The following MSGN1 variants were observed in gnomAD, a reference collection of about 807,000 sequenced individuals.
MSGN1 encodes mesogenin 1, also known as mesogenin-1.
MSGN1 carries 3 observed loss-of-function variants against 10.1 expected under a neutral mutation model. That is an observed-to-expected ratio of 0.30 (90% confidence interval 0.13 to 0.76). The LOEUF (loss-of-function observed/expected upper bound fraction) is 0.76, where lower values mean the gene tolerates loss of function less well. Ranked by LOEUF, MSGN1 falls within the 30% of genes least tolerant of loss-of-function variation. MSGN1 has a pLI of 0.67. For synonymous variants in MSGN1, 110 were observed against 103.8 expected (o/e 1.06, Z -0.37); for missense variants, 244 against 244.5 (o/e 1.00, Z 0.01).
At position 17,817,098 on chromosome 2, in the gene MSGN1, TG is replaced by T. The variant is rs1558428054; in HGVS notation, c.581del (p.Ter194=). 3.1e-6 allele frequency: 5 copies of T among 1,611,222 alleles called. No homozygotes were observed. In the Admixed American group the frequency reaches 8.3e-5, roughly 27 times the overall value. ...RGREPRAQSA[*>X] ...CAGAGAGCCCAGAGCCCAGAGCGCG[TG>T]AGCTCCATCCGGGGAAACTGACCGG... On this transcript the variant is annotated frameshift_variant and stop_lost, in exon 1 of 1. Coordinates refer to ENST00000281047, the MANE Select transcript of MSGN1 (RefSeq NM_001105569.3). LOFTEE classifies it high-confidence loss of function.
Position 17,816,584 on chromosome 2 carries a change from C to A in MSGN1, c.66C>A (p.Gly22=), listed in dbSNP as rs971053672. The part of the protein sequence containing the change: ...EDGLGSSDSP[G]LLSSWDWKDR... ...GCTTGGGCTCCTCTGACAGCCCTGG[C>A]CTGCTGTCTTCCTGGGACTGGAAGG... The change falls in exon 1 of 1, where the codon GGC becomes GGA. Residue 22 remains glycine (G), a synonymous_variant. Transcript: ENST00000281047. The A allele has an allele frequency of 2.5e-6, 4 of 1,613,824 alleles. No individual in the cohort carries two copies. The highest frequency in any genetic ancestry group is 2.7e-5 in the African/African-American group (2 of 74,928).
rs555662753 is a variant in MSGN1, at chr2:17,817,572, T to C, written c.*472T>C. Among the ~76,000 whole-genome samples the C allele has an allele frequency of 1.3e-5, 2 of 152,374 alleles. No individual in the cohort carries two copies. Among genetic ancestry groups the C allele is most frequent in the South Asian group, 4.1e-4 (2 of 4,830 alleles). ...AAGATTTGTGCCAAGTAAAGGGCTT[T>C]AGTGCTCCTGTTTTCATTTCGTGTG... On this transcript the variant is annotated 3_prime_UTR_variant, in exon 1 of 1. Transcript: ENST00000281047.
At position 17,817,226 on chromosome 2, in the gene MSGN1, T is replaced by C. The variant is rs549615791; in HGVS notation, c.*126T>C. Reference sequence around the variant, plus strand: ...TTTTTATGTAGTAAGCCTGATAATCTTGTGATCTGAAAAACCCTAAGGGAA... The same window carrying C: ...TTTTTATGTAGTAAGCCTGATAATCCTGTGATCTGAAAAACCCTAAGGGAA... On this transcript the variant is annotated 3_prime_UTR_variant, in exon 1 of 1. Transcript: ENST00000281047. The C allele has an allele frequency of 5.6e-4, 464 of 831,260 alleles. 7 individuals carry two copies. Among genetic ancestry groups the C allele is most frequent in the South Asian group, 4.0e-3 (217 of 54,716 alleles). 51.5% of individuals were successfully genotyped at this position (831,260 alleles called of 1,614,324 possible). A position where few individuals can be genotyped will look rare whatever the true frequency, so the allele number is the denominator to read the frequency against.
In MSGN1 at chr2:17,816,542, C is replaced by T. The variant is rs756656284; in HGVS notation, c.24C>T (p.Phe8=). Residue 8 remains phenylalanine, a synonymous_variant, in exon 1 of 1, where the codon TTC becomes TTT. Coordinates refer to ENST00000281047, the MANE Select transcript of MSGN1 (RefSeq NM_001105569.3). ...GCATGGACAACCTGCGCGAGACTTTCCTCAGCCTCGAGGATGGCTTGGGCT... is the reference window on the plus strand; with the variant it reads ...GCATGGACAACCTGCGCGAGACTTTTCTCAGCCTCGAGGATGGCTTGGGCT... MDNLRET[F]LSLEDGLGSS... 5.6e-6 allele frequency: 9 copies of T among 1,596,060 alleles called. No individual in the cohort carries two copies. In the East Asian group the frequency reaches 1.6e-4, roughly 28 times the overall value.
rs372671213 is a variant in MSGN1, at chr2:17,816,799, A to C, written c.281A>C (p.Asp94Ala). The C allele has an allele frequency of 3.1e-6, 5 of 1,614,092 alleles. No homozygotes were observed. In the African/African-American group the frequency reaches 6.7e-5, roughly 22 times the overall value. The change falls in exon 1 of 1, where the codon GAC (aspartate) becomes GCC (alanine). Residue 94 changes from aspartate to alanine, a missense_variant. Coordinates refer to ENST00000281047, the MANE Select transcript of MSGN1 (RefSeq NM_001105569.3). ...VGGASGLVEV[D>A]YNMLAFQPTH... ...GGGGCCAGTGGCCTGGTAGAGGTGG[A>C]CTACAATATGTTAGCTTTCCAGCCC...
rs749726556 is a variant in MSGN1 at position 17,816,973 on chromosome 2, C to T, written c.455C>T (p.Pro152Leu). The T allele has an allele frequency of 3.1e-6, 5 of 1,614,084 alleles. No homozygotes were observed. The highest frequency in any genetic ancestry group is 3.4e-6 in the Non-Finnish European group (4 of 1,180,042). ...CTGCACACCCTCCGGAATTACCTGC[C>T]ACCTGTCTACAGCCAGAGAGGCCAG... is the stretch of plus-strand genomic sequence containing the variant. Reference protein sequence around the residue: ...DALHTLRNYLPPVYSQRGQPL... With the variant: ...DALHTLRNYLLPVYSQRGQPL... Residue 152 changes from proline to leucine, a missense_variant, in exon 1 of 1, where the codon CCA (proline) becomes CTA (leucine). Coordinates refer to ENST00000281047, the MANE Select transcript of MSGN1 (RefSeq NM_001105569.3).
rs1673595787 is a variant in MSGN1, at chr2:17,817,602, T to C, written c.*502T>C. ...CTCCTGTTTTCATTTCGTGTGTATA[T>C]GTGTGTGTGTTTGTGTTTGACTGAA... On this transcript the variant is annotated 3_prime_UTR_variant, in exon 1 of 1. Coordinates refer to ENST00000281047, the MANE Select transcript of MSGN1 (RefSeq NM_001105569.3). Among the ~76,000 whole-genome samples the C allele has an allele frequency of 6.6e-6, 1 of 152,166 alleles. No homozygotes were observed. Among genetic ancestry groups the C allele is most frequent in the Non-Finnish European group, 1.5e-5 (1 of 68,030 alleles).
In MSGN1 at chr2:17,817,715, TTA is replaced by T. The variant is rs1339471266; in HGVS notation, c.*616_*617del. 1.3e-5 allele frequency among the ~76,000 whole-genome samples: 2 copies of T among 152,090 alleles called. No homozygotes were observed. Among genetic ancestry groups the T allele is most frequent in the African/African-American group, 2.4e-5 (1 of 41,418 alleles). The stretch of plus-strand genomic sequence containing the variant: ...GAAAGTCACAGGCAGACAGGCTAAG[TTA>T]AGACAGTGAAGATTCCAAAAGCCAG... On this transcript the variant is annotated 3_prime_UTR_variant, in exon 1 of 1. Coordinates refer to ENST00000281047, the MANE Select transcript of MSGN1 (RefSeq NM_001105569.3).
Position 17,816,889 on chromosome 2 carries a change from AGCGGAG to A in MSGN1, c.377_382del (p.Arg126_Arg127del). 1 of 1,614,254 alleles carries A rather than the reference AGCGGAG, an allele frequency of 6.2e-7. No individual in the cohort carries two copies. The highest frequency in any genetic ancestry group is 8.5e-7 in the Non-Finnish European group (1 of 1,180,036). On this transcript the variant is annotated inframe_deletion, in exon 1 of 1. Transcript: ENST00000281047. ...GGCACCAAAGTCAGGATGTCTGTCC[AGCGGAG>A]GCGGAAAGCCAGCGAGAGGGAGAAG...
chr2:17,817,440 A>G lies in MSGN1; in HGVS notation c.*340A>G, dbSNP rs981513248. 5.3e-5 allele frequency among the ~76,000 whole-genome samples: 8 copies of G among 152,248 alleles called. No homozygotes were observed. Among genetic ancestry groups the G allele is most frequent in the Admixed American group, 1.3e-4 (2 of 15,284 alleles). On this transcript the variant is annotated 3_prime_UTR_variant, in exon 1 of 1. Coordinates refer to ENST00000281047, the MANE Select transcript of MSGN1 (RefSeq NM_001105569.3). The stretch of plus-strand genomic sequence containing the variant: ...TTAAATGCATTTTTTTCAATAATGT[A>G]AAAGTGTTAATCTCTTGCCATTTTG...
chr2:17,816,787 T>C lies in MSGN1; in HGVS notation c.269T>C (p.Leu90Pro). Residue 90 changes from leucine (L) to proline (P), a missense_variant, in exon 1 of 1, where the codon CTG becomes CCG. Physicochemically the swap from Leu to Pro is moderately conservative, Grantham distance 98. Transcript: ENST00000281047. ...EGCSVGGASG[L>P]VEVDYNMLAF... Reference sequence around the variant, plus strand: ...TGCAGTGTCGGTGGGGCCAGTGGCCTGGTAGAGGTGGACTACAATATGTTA... The same window carrying C: ...TGCAGTGTCGGTGGGGCCAGTGGCCCGGTAGAGGTGGACTACAATATGTTA... 6.2e-7 allele frequency: 1 copy of C among 1,614,190 alleles called. No homozygotes were observed. The highest frequency in any genetic ancestry group is 8.5e-7 in the Non-Finnish European group (1 of 1,179,996).
chr2:17,816,518 C>T lies in MSGN1; in HGVS notation c.-1C>T. 6.4e-7 allele frequency: 1 copy of T among 1,572,856 alleles called. No homozygotes were observed. Among genetic ancestry groups the T allele is most frequent in the Admixed American group, 1.9e-5 (1 of 53,832 alleles). On this transcript the variant is annotated 5_prime_UTR_variant, in exon 1 of 1. Coordinates refer to ENST00000281047, the MANE Select transcript of MSGN1 (RefSeq NM_001105569.3). The stretch of plus-strand genomic sequence containing the variant: ...ATTCCTTCTGCAGCTGTCTCGCAGG[C>T]ATGGACAACCTGCGCGAGACTTTCC...
In MSGN1 at chr2:17,816,958, T is replaced by G. The variant is rs1157256881; in HGVS notation, c.440T>G (p.Leu147Arg). The G allele has an allele frequency of 6.2e-7, 1 of 1,614,070 alleles. No individual in the cohort carries two copies. Among genetic ancestry groups the G allele is most frequent in the Non-Finnish European group, 8.5e-7 (1 of 1,180,018 alleles). Residue 147 changes from leucine (L) to arginine (R), a missense_variant, in exon 1 of 1, where the codon CTC (leucine) becomes CGC (arginine). Coordinates refer to ENST00000281047, the MANE Select transcript of MSGN1 (RefSeq NM_001105569.3). The stretch of plus-strand genomic sequence containing the variant: ...ACCTTGGCAGATGCCCTGCACACCC[T>G]CCGGAATTACCTGCCACCTGTCTAC... ...MRTLADALHT[L>R]RNYLPPVYSQ... is the part of the protein sequence containing the mutation.
At position 17,816,824 on chromosome 2, in the gene MSGN1, C is replaced by T. The variant is rs370673248; in HGVS notation, c.306C>T (p.Pro102=). The change falls in exon 1 of 1, where the codon CCC becomes CCT. Residue 102 remains proline (P), a synonymous_variant. Coordinates refer to ENST00000281047, the MANE Select transcript of MSGN1 (RefSeq NM_001105569.3). The stretch of plus-strand genomic sequence containing the variant: ...ACTACAATATGTTAGCTTTCCAGCC[C>T]ACCCACCTTCAGGGCGGTGGTGGCC... ...EVDYNMLAFQ[P]THLQGGGGPK... 5 of 1,614,094 alleles carry T rather than the reference C, an allele frequency of 3.1e-6. No individual in the cohort carries two copies. The African/African-American group carries it at 5.3e-5, about 17-fold the overall frequency.
Position 17,816,628 on chromosome 2 carries a change from A to G in MSGN1, c.110A>G (p.Glu37Gly). Residue 37 changes from glutamate (E) to glycine (G), a missense_variant, in exon 1 of 1, where the codon GAG (glutamate) becomes GGG (glycine). Transcript: ENST00000281047. ...WDWKDRAGPFELNQASPSQSL... is the reference protein window; with the variant it reads ...WDWKDRAGPFGLNQASPSQSL... ...TGGAAGGACAGGGCAGGGCCCTTTG[A>G]GCTGAATCAGGCCTCCCCCTCTCAG... The G allele has an allele frequency of 6.2e-7, 1 of 1,614,176 alleles. No individual in the cohort carries two copies. Among genetic ancestry groups the G allele is most frequent in the Non-Finnish European group, 8.5e-7 (1 of 1,180,030 alleles).
At position 17,816,534 on chromosome 2, in the gene MSGN1, G is replaced by C. The variant is rs201861628; in HGVS notation, c.16G>C (p.Glu6Gln). The change falls in exon 1 of 1, where the codon GAG (glutamate) becomes CAG (glutamine). Residue 6 changes from glutamate to glutamine, a missense_variant. Coordinates refer to ENST00000281047, the MANE Select transcript of MSGN1 (RefSeq NM_001105569.3). The stretch of plus-strand genomic sequence containing the variant: ...TCTCGCAGGCATGGACAACCTGCGC[G>C]AGACTTTCCTCAGCCTCGAGGATGG... Reference protein sequence around the residue: MDNLRETFLSLEDGLG... With the variant: MDNLRQTFLSLEDGLG... 36 of 1,590,730 alleles carry C rather than the reference G, an allele frequency of 2.3e-5. No homozygotes were observed. The highest frequency in any genetic ancestry group is 3.0e-5 in the Non-Finnish European group (35 of 1,164,620).
Position 17,817,075 on chromosome 2 carries a change from GAGAGCCC to G in MSGN1, c.570_576del (p.Gln191ArgfsTer28), listed in dbSNP as rs750426610. 2 of 1,613,868 alleles carry G rather than the reference GAGAGCCC, an allele frequency of 1.2e-6. No individual in the cohort carries two copies. Among genetic ancestry groups the G allele is most frequent in the Non-Finnish European group, 1.7e-6 (2 of 1,179,808 alleles). ...CTCACAGACCTCCTTAACCGCGGCA[GAGAGCCC>G]AGAGCCCAGAGCGCGTGAGCTCCAT... On this transcript the variant is annotated frameshift_variant, in exon 1 of 1. Coordinates refer to ENST00000281047, the MANE Select transcript of MSGN1 (RefSeq NM_001105569.3). LOFTEE classifies it high-confidence loss of function.
In MSGN1 at chr2:17,817,073, C is replaced by A. The variant is rs1673587719; in HGVS notation, c.555C>A (p.Gly185=). Residue 185 remains glycine, a synonymous_variant, in exon 1 of 1, where the codon GGC becomes GGA. Coordinates refer to ENST00000281047, the MANE Select transcript of MSGN1 (RefSeq NM_001105569.3). ...IGELTDLLNR[G]REPRAQSA ...AACTCACAGACCTCCTTAACCGCGG[C>A]AGAGAGCCCAGAGCCCAGAGCGCGT... is the stretch of plus-strand genomic sequence containing the variant. 6.2e-7 allele frequency: 1 copy of A among 1,613,884 alleles called. No individual in the cohort carries two copies. The highest frequency in any genetic ancestry group is 8.5e-7 in the Non-Finnish European group (1 of 1,179,846).
In MSGN1 at chr2:17,817,083, A is replaced by G; in HGVS notation, c.565A>G (p.Arg189Gly). The G allele has an allele frequency of 6.2e-7, 1 of 1,613,448 alleles. No individual in the cohort carries two copies. The highest frequency in any genetic ancestry group is 8.5e-7 in the Non-Finnish European group (1 of 1,179,498). ...CCTCCTTAACCGCGGCAGAGAGCCC[A>G]GAGCCCAGAGCGCGTGAGCTCCATC... is the stretch of plus-strand genomic sequence containing the variant. ...TDLLNRGREP[R>G]AQSA The change falls in exon 1 of 1, where the codon AGA (arginine) becomes GGA (glycine). Residue 189 changes from arginine to glycine, a missense_variant. Transcript: ENST00000281047.
Sources: allele counts gnomAD v4.1 joint callset (sites outside exome capture counted in the v4.1 genomes callset), GRCh38; gene constraint gnomAD v4.1.1; transcripts MANE v1.5; gene names NCBI Gene and HGNC (gene_info 2026-07-23, HGNC 2026-07-21).